Variants in LY96 observed in about 807,000 individuals in gnomAD.
LY96 encodes myeloid differentiation protein-2.
Under a neutral mutation model 18.9 loss-of-function variants are expected in LY96, and 18 were observed. The observed-to-expected ratio is 0.95, with a 90% CI of 0.66 to 1.41. The LOEUF (loss-of-function observed/expected upper bound fraction) is 1.41, where lower values mean the gene tolerates loss of function less well. LY96 is among the 40% of genes most tolerant of loss of function. LY96 has a pLI of 0.00. For missense variants in LY96, 175 were observed against 182.4 expected (o/e 0.96, Z 0.23); for synonymous variants, 66 against 62.6 (o/e 1.06, Z -0.26).
At chr8:74,083,622 A>G in the LY96 span, among the ~76,000 whole-genome samples, 1 of 152,294 alleles carries the variant, frequency 6.6e-6, no homozygotes, top group East Asian at 1.9e-4. Context: ...TTACTTTTAT[A>G]GTTGGTTTGT....
chr8:74,004,352 A>G (rs1320851173), intron 1 of LY96, among the ~76,000 whole-genome samples: 2 of 152,060 alleles, frequency 1.3e-5, no homozygotes, highest in Non-Finnish European at 2.9e-5. Flanking sequence ...CCTCGTGAAA[A>G]AGTTGGTGTT....
At chr8:74,024,593 C>T (rs80343839) in intron 3 of LY96, among the ~76,000 whole-genome samples, 6,280 of 151,988 alleles carry the variant, frequency 0.041, 147 homozygotes, top group Middle Eastern at 0.061. Context: ...TACGTGTTAT[C>T]GCCCATCAGC....
At chr8:74,058,527 T>G in the LY96 span, among the ~76,000 whole-genome samples, 1 of 151,398 alleles carries the variant, frequency 6.6e-6, no homozygotes, top group Admixed American at 6.6e-5. Flanking sequence ...GTTTTTCTTT[T>G]TTTTTTTTTT....
At chr8:73,996,576 C>T (rs1167198283) in intron 1 of LY96, among the ~76,000 whole-genome samples, 1 of 151,766 alleles carries the variant, frequency 6.6e-6, no homozygotes, top group African/African-American at 2.4e-5. Context: ...CATCACCATG[C>T]CTGGCTATTT....
chr8:74,054,620 CTTT>C, the LY96 span, among the ~76,000 whole-genome samples: 382 of 70,606 alleles, frequency 5.4e-3, 3 homozygotes, highest in Middle Eastern at 9.8e-3. Context: ...CCTTTTCCTT[CTTT>C]CTTTCTTTCT....
At chr8:74,083,436 G>A in the LY96 span, among the ~76,000 whole-genome samples, 1 of 152,020 alleles carries the variant, frequency 6.6e-6, no homozygotes, top group African/African-American at 2.4e-5. Flanking sequence ...GGTTGGTCTC[G>A]AACTCCTGAC....
chr8:74,045,140 G>T, the LY96 span, among the ~76,000 whole-genome samples: 74 of 152,324 alleles, frequency 4.9e-4, 2 homozygotes, highest in Middle Eastern at 3.4e-3. Context: ...TCTGTCCTGT[G>T]CTTCATGCAG....
chr8:74,091,528 C>T, the LY96 span, among the ~76,000 whole-genome samples: 1 of 152,160 alleles, frequency 6.6e-6, no homozygotes, highest in African/African-American at 2.4e-5. Context: ...GAGCTGTAGG[C>T]GTCTGAGGAT....
At chr8:74,076,671 A>G in the LY96 span, among the ~76,000 whole-genome samples, 1 of 152,088 alleles carries the variant, frequency 6.6e-6, no homozygotes, top group Non-Finnish European at 1.5e-5. Context: ...CAGACTGGGT[A>G]TCCAATGATA....
chr8:74,072,770 T>C, the LY96 span, among the ~76,000 whole-genome samples: 3 of 152,146 alleles, frequency 2.0e-5, no homozygotes, highest in African/African-American at 4.8e-5. Flanking sequence ...CCTGAAAGCA[T>C]AGGGAGGTCC....
At chr8:74,067,956 G>A in the LY96 span, among the ~76,000 whole-genome samples, 5 of 150,282 alleles carry the variant, frequency 3.3e-5, no homozygotes, top group African/African-American at 1.2e-4. Flanking sequence ...AGCTACTAGG[G>A]AGGCTGAGGC....
At chr8:74,052,275 T>G in the LY96 span, 1 of 152,076 alleles carries the variant, frequency 6.6e-6, no homozygotes, top group Non-Finnish European at 1.5e-5. Context: ...AAAGTAGAAG[T>G]GTGACATAAC....
downstream of LY96, among the ~76,000 whole-genome samples, chr8:74,033,532 G>C (rs1817003635): frequency 6.6e-6 from 1 of 152,314 alleles, no homozygotes; most frequent in South Asian, 2.1e-4. Flanking sequence ...GAATACTTAT[G>C]AGCAGGGGGC....
the LY96 span, among the ~76,000 whole-genome samples, chr8:74,098,462 G>A: frequency 1.8e-4 from 27 of 152,112 alleles, no homozygotes; most frequent in Admixed American, 9.2e-4. Context: ...TGCAACCTCC[G>A]CCTCCTGGGC....
chr8:74,054,611 C>T, the LY96 span, among the ~76,000 whole-genome samples: 11 of 65,184 alleles, frequency 1.7e-4, no homozygotes, highest in African/African-American at 7.3e-4. Flanking sequence ...TTCTTGTTTC[C>T]TTTTCCTTCT....
the LY96 span, among the ~76,000 whole-genome samples, chr8:74,040,349 A>G: frequency 2.6e-5 from 4 of 151,894 alleles, no homozygotes; most frequent in African/African-American, 9.7e-5. Context: ...CCACAATCCT[A>G]TTTGTCCATT....
chr8:74,064,824 A>G, the LY96 span, among the ~76,000 whole-genome samples: 1 of 152,256 alleles, frequency 6.6e-6, no homozygotes, highest in African/African-American at 2.4e-5. Context: ...AAATCACAGA[A>G]GAAGACACAC....
chr8:74,073,072 C>T, the LY96 span, among the ~76,000 whole-genome samples: 6 of 152,086 alleles, frequency 3.9e-5, no homozygotes, highest in East Asian at 1.9e-4. Context: ...TAGAGGAGAC[C>T]GAGGGCAGGT....
At chr8:74,028,213 A>G (rs560071007) in intron 4 of LY96, among the ~76,000 whole-genome samples, 1 of 152,234 alleles carries the variant, frequency 6.6e-6, no homozygotes, top group Non-Finnish European at 1.5e-5. Flanking sequence ...CTGGGATTAT[A>G]GGTGTGAGCC....
Sources: gnomAD v4.1 joint callset for allele counts (sites outside exome capture counted in the v4.1 genomes callset) on GRCh38, gnomAD v4.1.1 for gene constraint, MANE v1.5 for transcripts, NCBI Gene and HGNC (gene_info 2026-07-23, HGNC 2026-07-21) for gene names.